Variants in BAHCC1 observed in about 807,000 individuals in gnomAD.
The protein encoded by BAHCC1 is BAH and coiled-coil domain-containing protein 1.
In BAHCC1, 43 loss-of-function variants were observed where a neutral mutation model predicts 88.2. The observed-to-expected ratio is 0.49, with a 90% confidence interval of 0.38 to 0.63. The LOEUF is 0.63. BAHCC1 is among the 20% of genes least tolerant of loss of function. BAHCC1 has a pLI of 0.00. For synonymous variants in BAHCC1, 1,510 were observed against 745.5 expected, an observed-to-expected ratio of 2.03 and a Z score of -16.71; for missense variants, 3,023 against 1,654.8, an observed-to-expected ratio of 1.83 and a Z score of -14.34.
Position 81,458,642 on chromosome 17 carries a change from A to G in BAHCC1, c.5365A>G (p.Ile1789Val). 1.4e-6 allele frequency: 1 copy of G among 718,022 alleles called. No homozygotes were observed. The highest frequency in any genetic ancestry group is 2.6e-6 in the Non-Finnish European group (1 of 385,674). The allele number at this position is 718,022 out of a possible 1,614,324, so 44.5% of individuals were successfully genotyped here. A position where few individuals can be genotyped will look rare whatever the true frequency, so the allele number is the denominator to read the frequency against. ...GCAGCGGAAGAACGGGGCCCTGTCC[A>G]TCACGCTGGCCACACGCAACGCCAA... Reference protein sequence around the residue: ...VLRRKNGALSITLATRNAKAI... With the variant: ...VLRRKNGALSVTLATRNAKAI... Residue 1789 changes from isoleucine to valine, a missense_variant, in exon 19 of 28, where the codon ATC (isoleucine) becomes GTC (valine). Coordinates refer to ENST00000675386, the MANE Select transcript of BAHCC1 (RefSeq NM_001377448.1).
chr17:81,396,695 T>G (rs1179671077), intron 1 of BAHCC1: 1 of 152,034 alleles, frequency 6.6e-6, no homozygotes, highest in African/African-American at 2.4e-5. Context: ...AAAGCAAACT[T>G]GTAGAAGCTC....
Position 81,411,215 on chromosome 17 carries a change from A to G in BAHCC1, c.178+11298A>G. The G allele has an allele frequency of 1.9e-6, 1 of 516,208 alleles. No individual in the cohort carries two copies. Among genetic ancestry groups the G allele is most frequent in the Admixed American group, 1.9e-5 (1 of 51,408 alleles). 32.0% of individuals were successfully genotyped at this position (516,208 alleles called of 1,614,324 possible). A position where few individuals can be genotyped will look rare whatever the true frequency, so the allele number is the denominator to read the frequency against. On this transcript the variant is annotated intron_variant, in intron 2 of 27. Transcript: ENST00000675386. This position sits in a 1 kb window ranked among gnomAD's most constrained non-coding sequence, Gnocchi z 6.2. ...GGGTCTGCGCCACCTGGGCATGCCC[A>G]GTGGGGCCCCAGGAGGACTCGCCAC...
Position 81,435,523 on chromosome 17 carries a change from G to T in BAHCC1, c.359-2847G>T. The T allele has an allele frequency of 2.1e-6, 1 of 470,248 alleles. No homozygotes were observed. The allele number at this position is 470,248 out of a possible 1,614,324, so 29.1% of individuals were successfully genotyped here. On this transcript the variant is annotated intron_variant, in intron 3 of 27. Coordinates refer to ENST00000675386, the MANE Select transcript of BAHCC1 (RefSeq NM_001377448.1). The surrounding 1 kb of genome is among the most constrained non-coding windows in gnomAD (Gnocchi z 4.4). Reference sequence around the variant, plus strand: ...AGGGCTTGCCCTTGTCTGTTGGGGTGATCATAAAAGCTCCCGTCTCAAAGG... The same window carrying T: ...AGGGCTTGCCCTTGTCTGTTGGGGTTATCATAAAAGCTCCCGTCTCAAAGG...
chr17:81,446,353 A>G (rs560419631), intron 10 of BAHCC1, among the ~76,000 whole-genome samples: 1 of 151,728 alleles, frequency 6.6e-6, no homozygotes, highest in East Asian at 1.9e-4. Context: ...GTTCAGGGAA[A>G]ACCCTGATTA....
chr17:81,445,524 C>T lies in BAHCC1; in HGVS notation c.3006C>T (p.Pro1002=), dbSNP rs188311269. 578 of 732,336 alleles carry T rather than the reference C, an allele frequency of 7.9e-4. 7 individuals are homozygous for T. The East Asian group carries it at 0.014, about 18-fold the overall frequency. 45.4% of individuals were successfully genotyped at this position (732,336 alleles called of 1,614,324 possible). A position where few individuals can be genotyped will look rare whatever the true frequency, so the allele number is the denominator to read the frequency against. ...GCCATCCGCCCGACCCAAAGCCCCC[C>T]GCCAGCTCCCCCACCCCACCACCTC... The part of the protein sequence containing the change: ...PCCHPPDPKP[P]ASSPTPPPRP... Residue 1002 remains proline (P), a synonymous_variant, in exon 10 of 28, where the codon CCC becomes CCT. Transcript: ENST00000675386.
At chr17:81,398,208 T>G (rs559625344) in intron 1 of BAHCC1, among the ~76,000 whole-genome samples, 2 of 152,342 alleles carry the variant, frequency 1.3e-5, no homozygotes, top group East Asian at 3.9e-4. Context: ...ATATGTGAAG[T>G]GCGTCCAGGG....
At chr17:81,416,976 C>T (rs1345313452) in intron 2 of BAHCC1, among the ~76,000 whole-genome samples, 3 of 152,168 alleles carry the variant, frequency 2.0e-5, no homozygotes, top group South Asian at 2.1e-4. Flanking sequence ...CACCCCCATC[C>T]GTTGCCGTGT....
rs1171519987 is a variant in BAHCC1 at position 81,464,897 on chromosome 17, C to T, written c.*1080C>T. ...CCCCTCCTCACCCCTGGGGTCCTAA[C>T]TTTCCTGAAAGTAGTAGGTGCCGTG... is the stretch of plus-strand genomic sequence containing the variant. On this transcript the variant is annotated 3_prime_UTR_variant, in exon 28 of 28. Transcript: ENST00000675386. 6.6e-6 allele frequency: 1 copy of T among 152,274 alleles called. No homozygotes were observed. Among genetic ancestry groups the T allele is most frequent in the Non-Finnish European group, 1.5e-5 (1 of 68,040 alleles). The allele number at this position is 152,274 out of a possible 1,614,324, so 9.4% of individuals were successfully genotyped here. A position where few individuals can be genotyped will look rare whatever the true frequency, so the allele number is the denominator to read the frequency against.
In BAHCC1 at chr17:81,443,399, G is replaced by A. The variant is rs782206539; in HGVS notation, c.2050G>A (p.Ala684Thr). ...GPGQSERPDC[A>T]RSREHDTTHG... is the part of the protein sequence containing the mutation. ...AGGCCAGTCGGAGAGGCCGGACTGT[G>A]CCCGCAGCAGGGAGCACGACACCAC... The change falls in exon 5 of 28, where the codon GCC (alanine) becomes ACC (threonine). Residue 684 changes from alanine to threonine, a missense_variant. Transcript: ENST00000675386. 1.3e-6 allele frequency: 1 copy of A among 772,346 alleles called. No individual in the cohort carries two copies. Among genetic ancestry groups the A allele is most frequent in the Non-Finnish European group, 2.4e-6 (1 of 414,566 alleles). The allele number at this position is 772,346 out of a possible 1,614,324, so 47.8% of individuals were successfully genotyped here.
At chr17:81,424,012 T>TC (rs782102810) in intron 2 of BAHCC1, among the ~76,000 whole-genome samples, 90 of 152,288 alleles carry the variant, frequency 5.9e-4, no homozygotes, top group Non-Finnish European at 7.8e-4. Context: ...CATCCGCAGC[T>TC]CTGTGCCAGC....
intron 26 of BAHCC1, 30 bp from the exon 27 acceptor site, chr17:81,462,710 T>C: frequency 1.4e-6 from 1 of 725,770 alleles, no homozygotes. Context: ...CCCCGGCCTC[T>C]CAGAGCCACC....
chr17:81,409,758 C>G (rs2063925921), intron 2 of BAHCC1, among the ~76,000 whole-genome samples: 1 of 152,214 alleles, frequency 6.6e-6, no homozygotes, highest in Non-Finnish European at 1.5e-5. Context: ...TGCGACGTCT[C>G]CATCCACAGG....
chr17:81,427,471 C>T (rs1229165062), intron 3 of BAHCC1, among the ~76,000 whole-genome samples: 14 of 152,310 alleles, frequency 9.2e-5, no homozygotes, highest in Admixed American at 7.8e-4. Flanking sequence ...CCTGCCTCCC[C>T]GTGGGACACA....
rs1555652069 is a variant in BAHCC1 at position 81,438,485 on chromosome 17, C to A, written c.474C>A (p.Thr158=). The A allele has an allele frequency of 1.3e-6, 1 of 770,414 alleles. No individual in the cohort carries two copies. Among genetic ancestry groups the A allele is most frequent in the African/African-American group, 1.7e-5 (1 of 59,098 alleles). 47.7% of individuals were successfully genotyped at this position (770,414 alleles called of 1,614,324 possible). ...VLYGQHRFYG[T]QKDNFYLRNL... ...ATGGGCAGCACCGTTTCTATGGAAC[C>A]CAAAAAGGCAAGTGCAGCATGGGAC... is the stretch of plus-strand genomic sequence containing the variant. The change falls in exon 4 of 28, where the codon ACC becomes ACA. Residue 158 remains threonine, a synonymous_variant. Transcript: ENST00000675386.
Position 81,420,322 on chromosome 17 carries a change from G to A in BAHCC1, c.179-6478G>A, listed in dbSNP as rs2064101181. Among the ~76,000 whole-genome samples, 3 of 152,208 alleles carry A rather than the reference G, an allele frequency of 2.0e-5. No individual in the cohort carries two copies. The South Asian group carries it at 6.2e-4, about 32-fold the overall frequency. On this transcript the variant is annotated intron_variant, in intron 2 of 27. Coordinates refer to ENST00000675386, the MANE Select transcript of BAHCC1 (RefSeq NM_001377448.1). ...CCCATGTGGCCAGCTCTCACCTACT[G>A]TGTGCCGGCCTCCCCACACAGCACC...
In BAHCC1 at chr17:81,445,060, G is replaced by T. The variant is rs553180909; in HGVS notation, c.2717G>T (p.Gly906Val). 3.3e-5 allele frequency: 25 copies of T among 765,166 alleles called. No homozygotes were observed. The East Asian group carries it at 5.9e-4, about 18-fold the overall frequency. 47.4% of individuals were successfully genotyped at this position (765,166 alleles called of 1,614,324 possible). ...QASLWPPMYG[G>V]RGPASHMQHP... ...TCACTGTGGCCCCCCATGTACGGGG[G>T]CCGGGGCCCCGCCTCTCACATGCAG... The change falls in exon 9 of 28, where the codon GGC becomes GTC. Residue 906 changes from glycine (G) to valine (V), a missense_variant. By Grantham distance (109) the Gly-to-Val change is moderately radical (BLOSUM62 -3). Transcript: ENST00000675386.
chr17:81,459,667 C>A (rs1024749441), intron 23 of BAHCC1, 63 bp downstream of exon 23: 7 of 771,110 alleles, frequency 9.1e-6, no homozygotes, highest in Non-Finnish European at 1.7e-5. Flanking sequence ...CTCATATCTG[C>A]CCCCAACAGC....
chr17:81,458,445 A>G lies in BAHCC1; in HGVS notation c.5322A>G (p.Thr1774=), dbSNP rs372232639. 1.5e-4 allele frequency: 109 copies of G among 727,116 alleles called. No homozygotes were observed. Among genetic ancestry groups the G allele is most frequent in the Non-Finnish European group, 2.6e-4 (104 of 393,930 alleles). The allele number at this position is 727,116 out of a possible 1,614,324, so 45.0% of individuals were successfully genotyped here. The change falls in exon 18 of 28, where the codon ACA becomes ACG. Residue 1774 remains threonine, a synonymous_variant. Coordinates refer to ENST00000675386, the MANE Select transcript of BAHCC1 (RefSeq NM_001377448.1). ...ERLKRATRKG[T]VLQPVLRRKN... The stretch of plus-strand genomic sequence containing the variant: ...TCAAGAGGGCCACGCGCAAGGGCAC[A>G]GTGCTGCAGCCAGTGCTGCGGGTGA...
chr17:81,399,711 G>T lies in BAHCC1; in HGVS notation c.-29G>T. 1 of 1,020,508 alleles carries T rather than the reference G, an allele frequency of 9.8e-7. No homozygotes were observed. Among genetic ancestry groups the T allele is most frequent in the Non-Finnish European group, 1.2e-6 (1 of 855,404 alleles). 63.2% of individuals were successfully genotyped at this position (1,020,508 alleles called of 1,614,324 possible). On this transcript the variant is annotated 5_prime_UTR_variant, in exon 2 of 28. Transcript: ENST00000675386. The surrounding 1 kb of genome is among the most constrained non-coding windows in gnomAD (Gnocchi z 4.5). ...GCCCCGGCCGCGCTGCTCCGAGGAAGCGGCGGCGGACCGGGGCCGGGGCCC... is the reference window on the plus strand; with the variant it reads ...GCCCCGGCCGCGCTGCTCCGAGGAATCGGCGGCGGACCGGGGCCGGGGCCC...
Sources: gnomAD v4.1 joint callset for allele counts (sites outside exome capture counted in the v4.1 genomes callset) on GRCh38, gnomAD v4.1.1 for gene constraint, Gnocchi (gnomAD v3.1) non-coding constraint, MANE v1.5 for transcripts, NCBI Gene and HGNC (gene_info 2026-07-23, HGNC 2026-07-21) for gene names.